MAP3K7: variants seen among roughly 807,000 people sequenced by gnomAD.
MAP3K7 encodes mitogen-activated protein kinase kinase kinase 7.
In MAP3K7, 21 loss-of-function variants were observed where a neutral mutation model predicts 84.8. The ratio of observed to expected loss-of-function variants is 0.25; its 90% CI spans 0.18 to 0.36. MAP3K7 has a LOEUF of 0.36. Among genes scored for constraint, MAP3K7 ranks in the 10% least tolerant of loss-of-function variants. The pLI is 1.00. For missense variants in MAP3K7, 503 were observed against 747.7 expected, an observed-to-expected ratio of 0.67 and a Z score of 3.82; for synonymous variants, 241 against 247.7, an observed-to-expected ratio of 0.97 and a Z score of 0.25.
chr6:90,518,537 T>C lies in MAP3K7; in HGVS notation c.1550A>G (p.Lys517Arg). The change falls in exon 16 of 17, where the codon AAA becomes AGA. Residue 517 changes from lysine to arginine, a missense_variant. Transcript: ENST00000369329. Reference protein sequence around the residue: ...LQPLAPCPNSKESMAVFEQHC... With the variant: ...LQPLAPCPNSRESMAVFEQHC... ...CTGTTCAAACACTGCCATAGATTCT[T>C]TGGAGTTTGGGCACGGTGCTAGAGG... The C allele has an allele frequency of 6.2e-7, 1 of 1,607,862 alleles. No individual in the cohort carries two copies. Among genetic ancestry groups the C allele is most frequent in the Non-Finnish European group, 8.5e-7 (1 of 1,175,820 alleles).
At chr6:90,551,893 T>C in intron 8 of MAP3K7, 156 bp downstream of exon 8, 1 of 736,458 alleles carries the variant, frequency 1.4e-6, no homozygotes, top group Non-Finnish European at 2.0e-6. Flanking sequence ...AAATGTTTCC[T>C]CTTCTGACTA....
chr6:90,563,292 T>C (rs1776588228), intron 3 of MAP3K7, among the ~76,000 whole-genome samples: 1 of 152,190 alleles, frequency 6.6e-6, no homozygotes, highest in African/African-American at 2.4e-5. Context: ...AAGGAGGATG[T>C]TTGAACCCAT....
At chr6:90,523,840 C>G in intron 13 of MAP3K7, 57 bp from the exon 14 acceptor site, 2 of 1,042,220 alleles carry the variant, frequency 1.9e-6, no homozygotes, top group Non-Finnish European at 3.0e-6. Context: ...AAAAAAATGA[C>G]GAGAACGTTT....
intron 1 of MAP3K7, among the ~76,000 whole-genome samples, chr6:90,579,556 C>T (rs973633437): frequency 2.0e-5 from 3 of 152,214 alleles, no homozygotes; most frequent in Non-Finnish European, 2.9e-5. Flanking sequence ...GCCTTTGAGA[C>T]TAAGGGGTCC....
intron 5 of MAP3K7, among the ~76,000 whole-genome samples, chr6:90,557,725 T>C (rs909124727): frequency 3.9e-5 from 6 of 152,092 alleles, no homozygotes; most frequent in African/African-American, 1.2e-4. Context: ...CCTGAATGAG[T>C]TTTATGTTAG....
chr6:90,534,571 C>T (rs1775605319), intron 13 of MAP3K7, among the ~76,000 whole-genome samples: 1 of 152,172 alleles, frequency 6.6e-6, no homozygotes, highest in African/African-American at 2.4e-5. Context: ...GACTGTCCCA[C>T]ACCCATAGTT....
intron 1 of MAP3K7, among the ~76,000 whole-genome samples, chr6:90,581,767 T>C (rs1360176938): frequency 6.6e-6 from 1 of 152,236 alleles, no homozygotes; most frequent in African/African-American, 2.4e-5. Flanking sequence ...TTATTTTAGG[T>C]ATCCATAATT....
rs1204227722 is a variant in MAP3K7 at position 90,568,480 on chromosome 6, A to G, written c.297+78T>C. 9.4e-6 allele frequency: 12 copies of G among 1,275,114 alleles called. 1 individual carries two copies. Among genetic ancestry groups the G allele is most frequent in the Non-Finnish European group, 1.2e-5 (11 of 916,610 alleles). The allele number at this position is 1,275,114 out of a possible 1,614,324, so 79.0% of individuals were successfully genotyped here. On this transcript the variant is annotated intron_variant, in intron 3 of 16. Transcript: ENST00000369329. The stretch of plus-strand genomic sequence containing the variant: ...AACTTAAAAAAAACAAAAAAACCCA[A>G]AAATAGCTACATAAACTACACACAC...
intron 7 of MAP3K7, among the ~76,000 whole-genome samples, chr6:90,552,924 T>C (rs1458990279): frequency 1.3e-5 from 2 of 152,220 alleles, no homozygotes; most frequent in African/African-American, 2.4e-5. Context: ...AGCAAGTTAT[T>C]TAACCTCTCT....
intron 12 of MAP3K7, chr6:90,542,169 T>C: frequency 1.1e-6 from 1 of 910,322 alleles, no homozygotes; most frequent in Non-Finnish European, 1.3e-6. Context: ...CACCCTTCTT[T>C]ACAATTAAAA....
intron 13 of MAP3K7, among the ~76,000 whole-genome samples, chr6:90,530,861 T>G (rs927402934): frequency 6.6e-6 from 1 of 152,172 alleles, no homozygotes; most frequent in Non-Finnish European, 1.5e-5. Flanking sequence ...ACTGAAGAAG[T>G]TTTTACAGTA....
In MAP3K7 at chr6:90,560,114, T is replaced by A; in HGVS notation, c.444A>T (p.Gln148His). 1 of 1,614,184 alleles carries A rather than the reference T, an allele frequency of 6.2e-7. No individual in the cohort carries two copies. The highest frequency in any genetic ancestry group is 8.5e-7 in the Non-Finnish European group (1 of 1,180,026). Residue 148 changes from glutamine (Q) to histidine (H), a missense_variant, in exon 5 of 17, where the codon CAA becomes CAT. Physicochemically the swap from Gln to His is conservative, Grantham distance 24. This residue lies in a region of MAP3K7 where 97 missense variants were observed against 270.8 expected (regional missense o/e 0.36). Transcript: ENST00000369329. ...SQGVAYLHSM[Q>H]PKALIHRDLK... ...GGTCCCTGTGAATTAGCGCTTTGGGTTGCATGCTGTGAAGATAAGCCACTC... is the reference window on the plus strand; with the variant it reads ...GGTCCCTGTGAATTAGCGCTTTGGGATGCATGCTGTGAAGATAAGCCACTC...
intron 13 of MAP3K7, among the ~76,000 whole-genome samples, chr6:90,527,254 TTC>T (rs1431756991): frequency 6.6e-6 from 1 of 151,976 alleles, no homozygotes; most frequent in African/African-American, 2.4e-5. Flanking sequence ...AGAAGAGAAT[TTC>T]TTTTTCTTTC....
At chr6:90,582,181 A>G (rs945442629) in intron 1 of MAP3K7, among the ~76,000 whole-genome samples, 1 of 152,194 alleles carries the variant, frequency 6.6e-6, no homozygotes. Flanking sequence ...TATCCCTGCT[A>G]AACAAAAGTA....
Position 90,537,103 on chromosome 6 carries a change from C to T in MAP3K7, c.1292-702G>A, listed in dbSNP as rs891938227. 2.6e-5 allele frequency: 4 copies of T among 151,980 alleles called. No homozygotes were observed. In the South Asian group the frequency reaches 8.3e-4, roughly 31 times the overall value. 9.4% of individuals were successfully genotyped at this position (151,980 alleles called of 1,614,324 possible). On this transcript the variant is annotated intron_variant, in intron 12 of 16. Coordinates refer to ENST00000369329, the MANE Select transcript of MAP3K7 (RefSeq NM_145331.3). ...AAAATCAATTTATGAGAGAATTCTACACATATAAGTCCTCAGCAAAACAAT... is the reference window on the plus strand; with the variant it reads ...AAAATCAATTTATGAGAGAATTCTATACATATAAGTCCTCAGCAAAACAAT...
intron 6 of MAP3K7, among the ~76,000 whole-genome samples, chr6:90,553,909 T>C (rs898413820): frequency 3.3e-5 from 5 of 152,166 alleles, no homozygotes; most frequent in African/African-American, 1.2e-4. Flanking sequence ...GGGCAGAGTA[T>C]GAAACATCTG....
intron 3 of MAP3K7, among the ~76,000 whole-genome samples, chr6:90,564,297 A>G (rs960161418): frequency 1.3e-5 from 2 of 152,162 alleles, no homozygotes; most frequent in African/African-American, 2.4e-5. Context: ...AGTCAAGACC[A>G]GTAAGTGTGC....
chr6:90,568,154 G>A (rs1292485427), intron 3 of MAP3K7, among the ~76,000 whole-genome samples: 1 of 152,080 alleles, frequency 6.6e-6, no homozygotes, highest in Non-Finnish European at 1.5e-5. Context: ...CATGGCAAAT[G>A]TATACATACG....
intron 10 of MAP3K7, 149 bp from the exon 11 acceptor site, chr6:90,547,536 CA>C (rs1776043104): frequency 1.2e-6 from 1 of 820,830 alleles, no homozygotes; most frequent in East Asian, 3.0e-5. Flanking sequence ...GAGGGAGCTA[CA>C]GGGGTAAGGG....
Sources: allele counts gnomAD v4.1 joint callset (sites outside exome capture counted in the v4.1 genomes callset), GRCh38; gene constraint gnomAD v4.1.1; regional missense constraint gnomAD v4.1.1; transcripts MANE v1.5; gene names NCBI Gene and HGNC (gene_info 2026-07-23, HGNC 2026-07-21).